Variants in SPATA6 observed in about 807,000 individuals in gnomAD.
The protein encoded by SPATA6 is spermatogenesis-associated protein 6.
SPATA6 carries 56 observed loss-of-function variants against 65.3 expected under a neutral mutation model. The observed-to-expected ratio is 0.86, with a 90% CI of 0.69 to 1.07. The LOEUF (loss-of-function observed/expected upper bound fraction) is 1.07. Among genes scored for constraint, SPATA6 ranks in the 50% least tolerant of loss-of-function variants. The probability of loss-of-function intolerance (pLI) is 0.00; values close to 1 mark genes in which losing one functional copy is unlikely to be tolerated. For missense variants in SPATA6, 590 were observed against 594.8 expected, an observed-to-expected ratio of 0.99 and a Z score of 0.08; for synonymous variants, 199 against 213.2, an observed-to-expected ratio of 0.93 and a Z score of 0.58.
chr1:48,472,061 C>G lies in SPATA6; in HGVS notation c.-53G>C. The G allele has an allele frequency of 6.8e-5, 40 of 589,550 alleles. No homozygotes were observed. Among genetic ancestry groups the G allele is most frequent in the Non-Finnish European group, 9.8e-5 (39 of 398,712 alleles). The allele number at this position is 589,550 out of a possible 1,614,324, so 36.5% of individuals were successfully genotyped here. A position where few individuals can be genotyped will look rare whatever the true frequency, so the allele number is the denominator to read the frequency against. On this transcript the variant is annotated 5_prime_UTR_variant, in exon 1 of 13. Transcript: ENST00000371847. ...ACCCCGGCCACGGGCCCGAGTGAGG[C>G]GGGGAGACCTGGGGCTGGGCGGGGA...
chr1:48,290,362 AAAGG>A, the SPATA6 span, among the ~76,000 whole-genome samples: 1 of 152,204 alleles, frequency 6.6e-6, no homozygotes, highest in South Asian at 2.1e-4. Context: ...CTAAACATCG[AAAGG>A]AACAACTGGT....
At chr1:48,368,579 G>T (rs1003988896) in intron 9 of SPATA6, among the ~76,000 whole-genome samples, 4 of 152,102 alleles carry the variant, frequency 2.6e-5, no homozygotes, top group Non-Finnish European at 4.4e-5. Flanking sequence ...TCTTCCAGTT[G>T]ATCACATCGG....
At chr1:48,417,156 A>G (rs1224700084) in intron 3 of SPATA6, among the ~76,000 whole-genome samples, 1 of 152,198 alleles carries the variant, frequency 6.6e-6, no homozygotes, top group East Asian at 1.9e-4. Flanking sequence ...AGAAACTATG[A>G]TGTTCATTAT....
intron 11 of SPATA6, among the ~76,000 whole-genome samples, chr1:48,306,118 C>A (rs1306307644): frequency 6.6e-6 from 1 of 151,922 alleles, no homozygotes; most frequent in Non-Finnish European, 1.5e-5. Context: ...GACTAGGTAT[C>A]CAGTAGATAC....
intron 5 of SPATA6, among the ~76,000 whole-genome samples, chr1:48,404,668 A>T (rs1229716693): frequency 6.6e-6 from 1 of 152,132 alleles, no homozygotes; most frequent in Non-Finnish European, 1.5e-5. Flanking sequence ...AAAAAAAACA[A>T]AACAAAAAAC....
chr1:48,273,649 T>C, the SPATA6 span, among the ~76,000 whole-genome samples: 1 of 152,202 alleles, frequency 6.6e-6, no homozygotes, highest in Non-Finnish European at 1.5e-5. Flanking sequence ...GTGTCATCCA[T>C]GTCCCTGTAA....
chr1:48,269,719 G>A, the SPATA6 span, among the ~76,000 whole-genome samples: 1 of 151,578 alleles, frequency 6.6e-6, no homozygotes, highest in African/African-American at 2.4e-5. Flanking sequence ...TTTGGTAATA[G>A]AAATACATAT....
intron 11 of SPATA6, chr1:48,324,992 A>T (rs901983946): frequency 4.8e-6 from 1 of 207,314 alleles, no homozygotes; most frequent in African/African-American, 2.3e-5. Context: ...GCACACATGG[A>T]AAGTTTTTCT....
At chr1:48,338,361 A>G (rs939863661) in intron 11 of SPATA6, among the ~76,000 whole-genome samples, 5 of 152,024 alleles carry the variant, frequency 3.3e-5, no homozygotes, top group African/African-American at 1.2e-4. Flanking sequence ...CAATGATTGT[A>G]TTTGTTGACT....
chr1:48,451,625 G>A (rs1207987567), intron 2 of SPATA6, 25 bp from the exon 3 acceptor site: 3 of 1,600,650 alleles, frequency 1.9e-6, no homozygotes, highest in Non-Finnish European at 2.6e-6. Flanking sequence ...TACAGGGAGA[G>A]GCAGGAAGGA....
intron 3 of SPATA6, among the ~76,000 whole-genome samples, chr1:48,415,540 A>C (rs1158114314): frequency 6.6e-6 from 1 of 152,182 alleles, no homozygotes; most frequent in African/African-American, 2.4e-5. Flanking sequence ...AATGCCTTTG[A>C]TGAACTCACT....
intron 11 of SPATA6, among the ~76,000 whole-genome samples, chr1:48,315,167 A>T (rs28775423): frequency 6.6e-6 from 1 of 152,236 alleles, no homozygotes; most frequent in African/African-American, 2.4e-5. Context: ...ACACAAAAAG[A>T]GGGAATCCTC....
At chr1:48,349,364 T>C (rs752099709) in intron 11 of SPATA6, among the ~76,000 whole-genome samples, 22 of 152,024 alleles carry the variant, frequency 1.4e-4, no homozygotes, top group Non-Finnish European at 2.9e-4. Flanking sequence ...CTTTTTGTCT[T>C]AGCCTTACCA....
At chr1:48,457,956 A>C (rs1179699550) in intron 1 of SPATA6, among the ~76,000 whole-genome samples, 3 of 152,038 alleles carry the variant, frequency 2.0e-5, no homozygotes, top group Non-Finnish European at 4.4e-5. Context: ...TAAAAATGTA[A>C]TTTGTATGAC....
intron 6 of SPATA6, among the ~76,000 whole-genome samples, chr1:48,403,171 T>C (rs1570461456): frequency 6.6e-6 from 1 of 151,956 alleles, no homozygotes; most frequent in East Asian, 1.9e-4. Flanking sequence ...CAAAAATATA[T>C]TTAAAAAAAG....
At chr1:48,292,205 AG>A (rs1446842804), downstream of SPATA6, among the ~76,000 whole-genome samples, 1 of 152,138 alleles carries the variant, frequency 6.6e-6, no homozygotes, top group African/African-American at 2.4e-5. Flanking sequence ...TGGTAAGAAA[AG>A]TTCTTCACTG....
intron 1 of SPATA6, among the ~76,000 whole-genome samples, chr1:48,458,671 T>C (rs1406227393): frequency 2.0e-5 from 3 of 151,870 alleles, no homozygotes; most frequent in Admixed American, 1.3e-4. Flanking sequence ...TTATGCTAAG[T>C]AAAAAAAAGT....
intron 3 of SPATA6, among the ~76,000 whole-genome samples, chr1:48,428,849 ATG>A (rs1570546536): frequency 7.6e-6 from 1 of 131,502 alleles, no homozygotes; most frequent in Non-Finnish European, 1.7e-5. Flanking sequence ...GTGTATATAT[ATG>A]TGTGTATATA....
chr1:48,283,638 C>G, the SPATA6 span, among the ~76,000 whole-genome samples: 1 of 125,342 alleles, frequency 8.0e-6, no homozygotes, highest in African/African-American at 3.1e-5. Context: ...GAGATCACGC[C>G]ACTGCAATCT....
Sources: gnomAD v4.1 joint callset for allele counts (sites outside exome capture counted in the v4.1 genomes callset) on GRCh38, gnomAD v4.1.1 for gene constraint, MANE v1.5 for transcripts, NCBI Gene and HGNC (gene_info 2026-07-23, HGNC 2026-07-21) for gene names.